LRPAP1: variants seen among roughly 807,000 people sequenced by gnomAD.
LRPAP1 encodes LDL receptor related protein associated protein 1, also known as alpha-2-macroglobulin receptor-associated protein.
LRPAP1 carries 41 observed loss-of-function variants against 39.9 expected under a neutral mutation model. The observed-to-expected ratio is 1.03, with a 90% CI of 0.80 to 1.33. The LOEUF (loss-of-function observed/expected upper bound fraction) is 1.33, where lower values mean the gene tolerates loss of function less well. Among genes scored for constraint, LRPAP1 ranks in the 40% most tolerant of loss-of-function variants. LRPAP1 has a pLI of 0.00. For synonymous variants in LRPAP1, 263 were observed against 212.7 expected, an observed-to-expected ratio of 1.24 and a Z score of -2.06; for missense variants, 565 against 482.3, an observed-to-expected ratio of 1.17 and a Z score of -1.61.
At chr4:3,523,818 C>T (rs750944906) in intron 2 of LRPAP1, among the ~76,000 whole-genome samples, 5 of 152,222 alleles carry the variant, frequency 3.3e-5, no homozygotes, top group South Asian at 2.1e-4. Flanking sequence ...GCCACCCTCA[C>T]GACAGCAACA....
At chr4:3,526,233 T>C (rs1216745769) in intron 1 of LRPAP1, among the ~76,000 whole-genome samples, 3 of 151,924 alleles carry the variant, frequency 2.0e-5, no homozygotes, top group African/African-American at 7.2e-5. Flanking sequence ...TCCCCTTCCC[T>C]GAGCACCTGC....
chr4:3,531,940 G>A (rs1730266883), intron 1 of LRPAP1: 2 of 540,076 alleles, frequency 3.7e-6, no homozygotes, highest in Admixed American at 3.4e-5. Flanking sequence ...AGGCCGCCCA[G>A]GCTGGGGAGG....
rs548296795 is a variant in LRPAP1, at chr4:3,531,160, A to G, written c.204+1049T>C. On this transcript the variant is annotated intron_variant, in intron 1 of 7. Coordinates refer to ENST00000650182, the MANE Select transcript of LRPAP1 (RefSeq NM_002337.4). ...CACCTCCCACCTCCGCAGGCTGAAC[A>G]TTACGCCTGGGGCTTGACTGCTGGT... 6.8e-4 allele frequency among the ~76,000 whole-genome samples: 103 copies of G among 152,156 alleles called. 1 individual carries two copies. The highest frequency in any genetic ancestry group is 3.1e-3 in the Admixed American group (47 of 15,296).
Position 3,504,862 on chromosome 4 carries a change from G to A in LRPAP1, c.*8112C>T, listed in dbSNP as rs566297037. On this transcript the variant is annotated 3_prime_UTR_variant, in exon 8 of 8. Transcript: ENST00000650182. ...CTTGGGAGGCTGAGGCAGGGGAATC[G>A]CATGAACCTGGGAGGCAGAGGTTGC... 4.6e-3 allele frequency among the ~76,000 whole-genome samples: 693 copies of A among 151,980 alleles called. 4 individuals are homozygous for A. The highest frequency in any genetic ancestry group is 0.015 in the African/African-American group (635 of 41,446).
chr4:3,520,785 G>A (rs1377987422), intron 2 of LRPAP1, among the ~76,000 whole-genome samples: 2 of 152,252 alleles, frequency 1.3e-5, no homozygotes, highest in Non-Finnish European at 2.9e-5. Context: ...TAGCAGCCAG[G>A]AGGAATAAAT....
At chr4:3,520,428 C>T (rs1729876565) in intron 2 of LRPAP1, among the ~76,000 whole-genome samples, 1 of 152,204 alleles carries the variant, frequency 6.6e-6, no homozygotes. Flanking sequence ...ACGGGACACC[C>T]CCAGGACCTC....
At position 3,507,026 on chromosome 4, in the gene LRPAP1, G is replaced by A. The variant is rs1047182812; in HGVS notation, c.*5948C>T. On this transcript the variant is annotated 3_prime_UTR_variant, in exon 8 of 8. Coordinates refer to ENST00000650182, the MANE Select transcript of LRPAP1 (RefSeq NM_002337.4). ...GAGACCAGGACTCCGAGACCAGCCT[G>A]GGCAACACAGCGAGACCCAGTCTCT... is the stretch of plus-strand genomic sequence containing the variant. The A allele has an allele frequency of 6.6e-6, 1 of 152,232 alleles. No homozygotes were observed. The highest frequency in any genetic ancestry group is 2.4e-5 in the African/African-American group (1 of 41,430). The allele number at this position is 152,232 out of a possible 1,614,324, so 9.4% of individuals were successfully genotyped here.
Position 3,512,888 on chromosome 4 carries a change from G to A in LRPAP1, c.*86C>T. The A allele has an allele frequency of 8.8e-6, 11 of 1,243,556 alleles. No individual in the cohort carries two copies. The highest frequency in any genetic ancestry group is 1.2e-5 in the Non-Finnish European group (11 of 887,190). The allele number at this position is 1,243,556 out of a possible 1,614,324, so 77.0% of individuals were successfully genotyped here. A position where few individuals can be genotyped will look rare whatever the true frequency, so the allele number is the denominator to read the frequency against. On this transcript the variant is annotated 3_prime_UTR_variant, in exon 8 of 8. Coordinates refer to ENST00000650182, the MANE Select transcript of LRPAP1 (RefSeq NM_002337.4). ...CGTGCCAGCCCCAGCCACCCTGACGGCGGGCTGTCCACGGAAATGCCACGG... is the reference window on the plus strand; with the variant it reads ...CGTGCCAGCCCCAGCCACCCTGACGACGGGCTGTCCACGGAAATGCCACGG...
chr4:3,528,416 C>T (rs892992814), intron 1 of LRPAP1, among the ~76,000 whole-genome samples: 1 of 152,166 alleles, frequency 6.6e-6, no homozygotes. Flanking sequence ...GCACCACCCG[C>T]GTGCCAGCAG....
At chr4:3,519,642 C>T (rs987085411) in intron 3 of LRPAP1, among the ~76,000 whole-genome samples, 2 of 152,210 alleles carry the variant, frequency 1.3e-5, no homozygotes, top group African/African-American at 2.4e-5. Flanking sequence ...TGGGTCCCAG[C>T]GCCTGGCCCC....
Position 3,514,761 on chromosome 4 carries a change from C to A in LRPAP1, c.1002G>T (p.Leu334=). ...TGGAACCCGTGCGCACCGTGTAGCCCAGCTCCTTGGTCCGCCCCTCCAGCA... is the reference window on the plus strand; with the variant it reads ...TGGAACCCGTGCGCACCGTGTAGCCAAGCTCCTTGGTCCGCCCCTCCAGCA... The part of the protein sequence containing the change: ...HALLEGRTKE[L]GYTVKKHLQD... The change falls in exon 7 of 8, where the codon CTG becomes CTT. Residue 334 remains leucine, a synonymous_variant. Transcript: ENST00000650182. 1 of 1,608,636 alleles carries A rather than the reference C, an allele frequency of 6.2e-7. No individual in the cohort carries two copies. The highest frequency in any genetic ancestry group is 2.2e-5 in the East Asian group (1 of 44,792).
At position 3,513,105 on chromosome 4, in the gene LRPAP1, ATGTCAGGAGACG is replaced by A. The variant is rs1729584131; in HGVS notation, c.1012-81_1012-70del. The A allele has an allele frequency of 8.9e-6, 11 of 1,240,288 alleles. No homozygotes were observed. The South Asian group carries it at 1.3e-4, about 15-fold the overall frequency. 76.8% of individuals were successfully genotyped at this position (1,240,288 alleles called of 1,614,324 possible). A position where few individuals can be genotyped will look rare whatever the true frequency, so the allele number is the denominator to read the frequency against. On this transcript the variant is annotated intron_variant, in intron 7 of 7. Coordinates refer to ENST00000650182, the MANE Select transcript of LRPAP1 (RefSeq NM_002337.4). Reference sequence around the variant, plus strand: ...AGGCCAGCTCTGTGAGCTCAGCCTCATGTCAGGAGACGCGCGATCCAAAAGGAAAAGGCGCAA... The same window carrying A: ...AGGCCAGCTCTGTGAGCTCAGCCTCACGCGATCCAAAAGGAAAAGGCGCAA...
intron 1 of LRPAP1, among the ~76,000 whole-genome samples, chr4:3,525,728 T>C (rs768791683): frequency 3.3e-5 from 5 of 152,192 alleles, no homozygotes; most frequent in Non-Finnish European, 7.4e-5. Context: ...CCACGCTTCA[T>C]TCATCCCACC....
chr4:3,511,104 G>C lies in LRPAP1; in HGVS notation c.*1870C>G, dbSNP rs1193652004. 2.0e-5 allele frequency: 3 copies of C among 152,226 alleles called. No individual in the cohort carries two copies. Among genetic ancestry groups the C allele is most frequent in the Non-Finnish European group, 2.9e-5 (2 of 68,044 alleles). 9.4% of individuals were successfully genotyped at this position (152,226 alleles called of 1,614,324 possible). On this transcript the variant is annotated 3_prime_UTR_variant, in exon 8 of 8. Coordinates refer to ENST00000650182, the MANE Select transcript of LRPAP1 (RefSeq NM_002337.4). ...CATAATTAAAAATACCGAGCACCAA[G>C]TCTCAGCAATCCACTAGTGTTCTCC...
intron 6 of LRPAP1, chr4:3,515,827 G>A (rs545629273): frequency 4.5e-4 from 210 of 465,324 alleles, no homozygotes; most frequent in African/African-American, 3.6e-3. Context: ...GCTGGGTCCC[G>A]ACCAACTGTT....
intron 4 of LRPAP1, 52 bp downstream of exon 4, chr4:3,518,819 G>A: frequency 1.6e-6 from 2 of 1,237,552 alleles, no homozygotes; most frequent in Non-Finnish European, 2.2e-6. Flanking sequence ...GGAGGGGTGG[G>A]GGGCAGGAGG....
At chr4:3,530,718 G>A (rs534253113) in intron 1 of LRPAP1, among the ~76,000 whole-genome samples, 1 of 152,328 alleles carries the variant, frequency 6.6e-6, no homozygotes, top group East Asian at 1.9e-4. Context: ...GAGGGCAGGT[G>A]TATTGCTGCA....
intron 2 of LRPAP1, among the ~76,000 whole-genome samples, chr4:3,523,318 G>T (rs890283857): frequency 2.0e-5 from 3 of 152,148 alleles, no homozygotes; most frequent in African/African-American, 7.2e-5. Flanking sequence ...CACTAGACAC[G>T]CTGGTGGGGA....
intron 5 of LRPAP1, among the ~76,000 whole-genome samples, chr4:3,516,552 G>A (rs1398451871): frequency 6.6e-6 from 1 of 152,254 alleles, no homozygotes; most frequent in African/African-American, 2.4e-5. Context: ...TGCAGAGGCT[G>A]CCAGGACCTC....
Sources: gnomAD v4.1 joint callset for allele counts (sites outside exome capture counted in the v4.1 genomes callset) on GRCh38, gnomAD v4.1.1 for gene constraint, MANE v1.5 for transcripts, NCBI Gene and HGNC (gene_info 2026-07-23, HGNC 2026-07-21) for gene names.